KPNB1: variants seen among roughly 807,000 people sequenced by gnomAD.
The protein encoded by KPNB1 is karyopherin subunit beta 1, also known as importin subunit beta-1.
KPNB1 carries 7 observed loss-of-function variants against 113.0 expected under a neutral mutation model. That is an observed-to-expected ratio of 0.06 (90% CI 0.04 to 0.12). The LOEUF (loss-of-function observed/expected upper bound fraction) is 0.12, where lower values mean the gene tolerates loss of function less well. KPNB1 is among the 10% of genes least tolerant of loss of function. KPNB1 has a pLI of 1.00. For synonymous variants in KPNB1, 363 were observed against 378.6 expected, an observed-to-expected ratio of 0.96 and a Z score of 0.48; for missense variants, 400 against 1,054.8, an observed-to-expected ratio of 0.38 and a Z score of 8.60.
In KPNB1 at chr17:47,650,055, G is replaced by A. The variant is rs1915481331; in HGVS notation, c.-190G>A. On this transcript the variant is annotated 5_prime_UTR_variant, in exon 1 of 22. Coordinates refer to ENST00000290158, the MANE Select transcript of KPNB1 (RefSeq NM_002265.6). ...CAGCCCATTTGGAGGGAGGAAGTAA[G>A]GGAAGAGGAGAGGAAGGGGAGCCGG... 1.2e-5 allele frequency: 17 copies of A among 1,380,134 alleles called. No individual in the cohort carries two copies. Among genetic ancestry groups the A allele is most frequent in the Non-Finnish European group, 1.6e-5 (17 of 1,073,064 alleles). 85.5% of individuals were successfully genotyped at this position (1,380,134 alleles called of 1,614,324 possible).
chr17:47,658,348 A>C (rs1448537264), intron 4 of KPNB1, among the ~76,000 whole-genome samples, 160 bp from the exon 5 acceptor site: 1 of 152,232 alleles, frequency 6.6e-6, no homozygotes, highest in African/African-American at 2.4e-5. Flanking sequence ...GATGACAAGA[A>C]AAAAAGGTGT....
intron 17 of KPNB1, among the ~76,000 whole-genome samples, chr17:47,677,798 G>A (rs1002046601): frequency 1.3e-5 from 2 of 152,172 alleles, no homozygotes; most frequent in African/African-American, 2.4e-5. Flanking sequence ...ATTAATTATT[G>A]TACATGTGTG....
intron 2 of KPNB1, 125 bp from the exon 3 acceptor site, chr17:47,652,569 A>C: frequency 1.9e-6 from 1 of 515,282 alleles, no homozygotes; most frequent in East Asian, 3.7e-5. Context: ...TGCTTATATC[A>C]AAAAAAAATT....
intron 16 of KPNB1, among the ~76,000 whole-genome samples, chr17:47,676,816 T>TC (rs1251496724): frequency 6.6e-6 from 1 of 151,524 alleles, no homozygotes; most frequent in Non-Finnish European, 1.5e-5. Context: ...GCTTTTTTTT[T>TC]TTTTTTTTTT....
In KPNB1 at chr17:47,658,585, T is replaced by C. The variant is rs1421337915; in HGVS notation, c.561T>C (p.Ser187=). The change falls in exon 5 of 22, where the codon AGT becomes AGC. Residue 187 remains serine, a synonymous_variant. Coordinates refer to ENST00000290158, the MANE Select transcript of KPNB1 (RefSeq NM_002265.6). ...AGGGGATGAGGAAAGAAGAGCCTAG[T>C]AATAATGTGAAGCTAGCTGCTACGA... ...IIQGMRKEEP[S]NNVKLAATNA... 1.2e-6 allele frequency: 2 copies of C among 1,613,970 alleles called. No homozygotes were observed. The highest frequency in any genetic ancestry group is 1.7e-5 in the Admixed American group (1 of 60,018).
chr17:47,681,686 GT>G (rs59222945), intron 21 of KPNB1, among the ~76,000 whole-genome samples: 4,688 of 95,986 alleles, frequency 0.049, 54 homozygotes, highest in African/African-American at 0.13. Flanking sequence ...GGAATTATAG[GT>G]TTTTTTTTTT....
In KPNB1 at chr17:47,682,766, G is replaced by C. The variant is rs1480155925; in HGVS notation, c.*362G>C. The C allele has an allele frequency of 3.5e-6, 1 of 285,054 alleles. No individual in the cohort carries two copies. The highest frequency in any genetic ancestry group is 8.2e-5 in the East Asian group (1 of 12,268). The allele number at this position is 285,054 out of a possible 1,614,324, so 17.7% of individuals were successfully genotyped here. On this transcript the variant is annotated 3_prime_UTR_variant, in exon 22 of 22. Transcript: ENST00000290158. ...TTGGCCAGTGCCGAGTGGAATGCCT[G>C]GTTTGGGGGAGGAGGAGGGACTGGG...
chr17:47,677,148 T>A (rs1212993171), intron 17 of KPNB1, 21 bp downstream of exon 17: 1 of 1,494,196 alleles, frequency 6.7e-7, no homozygotes, highest in African/African-American at 1.4e-5. Flanking sequence ...ACACACAATC[T>A]AATTAACCAG....
In KPNB1 at chr17:47,683,108, A is replaced by C. The variant is rs1355111281; in HGVS notation, c.*704A>C. The C allele has an allele frequency of 3.4e-5, 5 of 147,584 alleles. No individual in the cohort carries two copies. Among genetic ancestry groups the C allele is most frequent in the Admixed American group, 2.7e-4 (4 of 14,790 alleles). The allele number at this position is 147,584 out of a possible 1,614,324, so 9.1% of individuals were successfully genotyped here. ...AGAGATGTAAAAAAAAAAAAAAAAA[A>C]AAAAAAAAAAACACACACACAGAGG... On this transcript the variant is annotated 3_prime_UTR_variant, in exon 22 of 22. Coordinates refer to ENST00000290158, the MANE Select transcript of KPNB1 (RefSeq NM_002265.6).
chr17:47,676,279 A>G, intron 15 of KPNB1, 130 bp from the exon 16 acceptor site: 1 of 682,764 alleles, frequency 1.5e-6, no homozygotes, highest in Admixed American at 2.5e-5. Context: ...GGAATCGGTA[A>G]CTAAAGCACA....
In KPNB1 at chr17:47,650,380, C is replaced by T. The variant is rs769751319; in HGVS notation, c.41-6C>T. The T allele has an allele frequency of 9.3e-6, 15 of 1,611,962 alleles. No individual in the cohort carries two copies. Among genetic ancestry groups the T allele is most frequent in the South Asian group, 2.2e-5 (2 of 90,922 alleles). ...CCCGCTCCGTCTCCCACTTTCCTCCCCCTAGATCGGCTGGAGCTGGAAGCG... is the reference window on the plus strand; with the variant it reads ...CCCGCTCCGTCTCCCACTTTCCTCCTCCTAGATCGGCTGGAGCTGGAAGCG... On this transcript the variant is annotated splice_polypyrimidine_tract_variant and splice_region_variant and intron_variant, in intron 1 of 21. Coordinates refer to ENST00000290158, the MANE Select transcript of KPNB1 (RefSeq NM_002265.6).
At chr17:47,659,696 A>T (rs1445621561) in intron 5 of KPNB1, among the ~76,000 whole-genome samples, 1 of 152,186 alleles carries the variant, frequency 6.6e-6, no homozygotes, top group East Asian at 1.9e-4. Flanking sequence ...AAATAAATAA[A>T]AATTATAGCA....
rs376375886 is a variant in KPNB1 at position 47,680,011 on chromosome 17, C to G, written c.2354-9C>G. On this transcript the variant is annotated splice_polypyrimidine_tract_variant and intron_variant, in intron 19 of 21. Coordinates refer to ENST00000290158, the MANE Select transcript of KPNB1 (RefSeq NM_002265.6). Reference sequence around the variant, plus strand: ...CGCACCCGACCAATACCTTCTCTCTCTTTTATAGCGGATGTGATGCTGGTA... The same window carrying G: ...CGCACCCGACCAATACCTTCTCTCTGTTTTATAGCGGATGTGATGCTGGTA... 2 of 1,595,286 alleles carry G rather than the reference C, an allele frequency of 1.3e-6. No homozygotes were observed. The highest frequency in any genetic ancestry group is 2.2e-5 in the East Asian group (1 of 44,818).
intron 21 of KPNB1, among the ~76,000 whole-genome samples, chr17:47,681,697 T>G (rs541538466): frequency 2.1e-5 from 3 of 145,630 alleles, no homozygotes; most frequent in South Asian, 2.2e-4. Context: ...TTTTTTTTTT[T>G]TTTTTTTTTT....
intron 3 of KPNB1, 88 bp from the exon 4 acceptor site, chr17:47,656,772 C>T: frequency 1.5e-6 from 2 of 1,293,616 alleles, no homozygotes; most frequent in African/African-American, 1.5e-5. Context: ...AAAAAGAATT[C>T]AGAGACACTA....
At position 47,649,973 on chromosome 17, in the gene KPNB1, G is replaced by A; in HGVS notation, c.-272G>A. 3 of 1,307,720 alleles carry A rather than the reference G, an allele frequency of 2.3e-6. No individual in the cohort carries two copies. The highest frequency in any genetic ancestry group is 2.9e-6 in the Non-Finnish European group (3 of 1,031,644). 81.0% of individuals were successfully genotyped at this position (1,307,720 alleles called of 1,614,324 possible). Reference sequence around the variant, plus strand: ...GCCTCCCTTCCTTCTTTCTCCCTCCGCCTCCCGAGCACCAGCGCGCTCTGA... The same window carrying A: ...GCCTCCCTTCCTTCTTTCTCCCTCCACCTCCCGAGCACCAGCGCGCTCTGA... On this transcript the variant is annotated 5_prime_UTR_variant, in exon 1 of 22. Transcript: ENST00000290158.
At position 47,684,714 on chromosome 17, in the gene KPNB1, A is replaced by AT. The variant is rs1225438506; in HGVS notation, c.*2311dup. The AT allele has an allele frequency of 3.3e-5, 5 of 152,382 alleles. No homozygotes were observed. Among genetic ancestry groups the AT allele is most frequent in the Non-Finnish European group, 7.4e-5 (5 of 68,020 alleles). 9.4% of individuals were successfully genotyped at this position (152,382 alleles called of 1,614,324 possible). A position where few individuals can be genotyped will look rare whatever the true frequency, so the allele number is the denominator to read the frequency against. The stretch of plus-strand genomic sequence containing the variant: ...ATGTTTTGTTCCAGGGAAGCAGTTG[A>AT]TGAGTGCTGTTACTAATGCTTTCTC... On this transcript the variant is annotated 3_prime_UTR_variant, in exon 22 of 22. Transcript: ENST00000290158.
In KPNB1 at chr17:47,678,100, A is replaced by G; in HGVS notation, c.2158A>G (p.Ile720Val). The change falls in exon 18 of 22, where the codon ATT (isoleucine) becomes GTT (valine). Residue 720 changes from isoleucine (I) to valine (V), a missense_variant. Ile to Val is a conservative substitution (Grantham distance 29). This residue lies in a region of KPNB1 where 115 missense variants were observed against 427.9 expected (regional missense o/e 0.27). Transcript: ENST00000290158. ...GCAGATTCTGTCAGTGTTTGGTGAT[A>G]TTGCCCTTGCTATTGGAGGAGAGTT... is the stretch of plus-strand genomic sequence containing the variant. ...KPQILSVFGD[I>V]ALAIGGEFKK... 14 of 1,614,116 alleles carry G rather than the reference A, an allele frequency of 8.7e-6. No individual in the cohort carries two copies. Among genetic ancestry groups the G allele is most frequent in the South Asian group, 2.2e-5 (2 of 91,084 alleles).
rs1915493320 is a variant in KPNB1, at chr17:47,650,230, G to A, written c.-15G>A. 6.4e-7 allele frequency: 1 copy of A among 1,572,716 alleles called. No homozygotes were observed. The highest frequency in any genetic ancestry group is 8.6e-7 in the Non-Finnish European group (1 of 1,163,052). ...CGTCGTCTTAGGAGGAGTCGCCGCCGCCGCCACCTCCGCCATGGAGCTGAT... is the reference window on the plus strand; with the variant it reads ...CGTCGTCTTAGGAGGAGTCGCCGCCACCGCCACCTCCGCCATGGAGCTGAT... On this transcript the variant is annotated 5_prime_UTR_variant, in exon 1 of 22. Coordinates refer to ENST00000290158, the MANE Select transcript of KPNB1 (RefSeq NM_002265.6).
Sources: gnomAD v4.1 joint callset for allele counts (sites outside exome capture counted in the v4.1 genomes callset) on GRCh38, gnomAD v4.1.1 for gene constraint, gnomAD v4.1.1 regional missense constraint, MANE v1.5 for transcripts, NCBI Gene and HGNC (gene_info 2026-07-23, HGNC 2026-07-21) for gene names.